The following SMC1A variants were observed in gnomAD, a reference collection of about 807,000 sequenced individuals.
The protein encoded by SMC1A is structural maintenance of chromosomes 1A.
In SMC1A, 4 loss-of-function variants were observed where a neutral mutation model predicts 94.5. That is an observed-to-expected ratio of 0.04 (90% CI 0.02 to 0.10). The LOEUF is 0.10. SMC1A is among the 10% of genes least tolerant of loss of function. The pLI, the probability that SMC1A is intolerant of heterozygous loss-of-function variation, is 1.00. For synonymous variants in SMC1A, 345 were observed against 347.7 expected (o/e 0.99, Z 0.09); for missense variants, 304 against 989.0 (o/e 0.31, Z 9.29).
intron 1 of SMC1A, chrX:53,422,151 G>A (rs2075760996): frequency 2.3e-6 from 2 of 886,394 alleles, no homozygotes; most frequent in African/African-American, 4.0e-5. Context: ...CGGCCGGTCC[G>A]GCGGGGAGCC....
In SMC1A at chrX:53,413,157, G is replaced by A. The variant is rs1556890792; in HGVS notation, c.616-19C>T. The stretch of plus-strand genomic sequence containing the variant: ...GGTCAGCCTGTGCAAACAGGGGAAT[G>A]GTGGCAGGGGTGCATCGATAAGGCA... On this transcript the variant is annotated intron_variant, in intron 4 of 24. Coordinates refer to ENST00000322213, the MANE Select transcript of SMC1A (RefSeq NM_006306.4). 3 of 1,209,945 alleles carry A rather than the reference G, an allele frequency of 2.5e-6. No homozygotes were observed. The highest frequency in any genetic ancestry group is 3.4e-6 in the Non-Finnish European group (3 of 895,344).
intron 19 of SMC1A, among the ~76,000 whole-genome samples, chrX:53,387,020 G>A (rs782754414): frequency 7.4e-4 from 83 of 111,861 alleles, no homozygotes; most frequent in Non-Finnish European, 1.3e-3. Context: ...TTTTGAGACG[G>A]AGTCTTGTTC....
rs151144282 is a variant in SMC1A, at chrX:53,402,868, C to CAAAAAAAAAAAAAAAAAA, written c.2420+697_2420+698insTTTTTTTTTTTTTTTTTT. On this transcript the variant is annotated intron_variant, in intron 15 of 24. Transcript: ENST00000322213. ...TGGGCGACAGAGCAAGACTCTGTCT[C>CAAAAAAAAAAAAAAAAAA]AAAAAAAAAAAAAAAAAGGGCCGGC... Among the ~76,000 whole-genome samples, 11 of 10,082 alleles carry CAAAAAAAAAAAAAAAAAA rather than the reference C, an allele frequency of 1.1e-3. 5 individuals carry two copies. The highest frequency in any genetic ancestry group is 4.5e-3 in the African/African-American group (6 of 1,340). The allele number at this position is 10,082 out of a possible 115,157, so 8.8% of individuals were successfully genotyped here. A position where few individuals can be genotyped will look rare whatever the true frequency, so the allele number is the denominator to read the frequency against.
At chrX:53,401,741 TAC>T (rs1279283342) in intron 15 of SMC1A, among the ~76,000 whole-genome samples, 1 of 110,449 alleles carries the variant, frequency 9.1e-6, no homozygotes, top group Non-Finnish European at 1.9e-5. Context: ...ATTATATATA[TAC>T]ACATATATTT....
intron 19 of SMC1A, 21 bp downstream of exon 19, chrX:53,394,757 A>ACCCCCCCCCC: frequency 3.5e-6 from 1 of 284,081 alleles, no homozygotes; most frequent in Non-Finnish European, 6.0e-6. Flanking sequence ...CCCCCACCAC[A>ACCCCCCCCCC]CCCCTGTGGT....
chrX:53,415,113 G>A lies in SMC1A; in HGVS notation c.166C>T (p.Leu56=). Residue 56 remains leucine (L), a synonymous_variant, in exon 2 of 25, where the codon CTG becomes TTG. Coordinates refer to ENST00000322213, the MANE Select transcript of SMC1A (RefSeq NM_006306.4). ...AGGTCCCGCAGGGTCTTTACCCGCAGGTTGCTGGTTTTTTCACCTAGCACA... is the reference window on the plus strand; with the variant it reads ...AGGTCCCGCAGGGTCTTTACCCGCAAGTTGCTGGTTTTTTCACCTAGCACA... ...SFVLGEKTSN[L]RVKTLRDLIH... 2 of 1,211,426 alleles carry A rather than the reference G, an allele frequency of 1.7e-6. No homozygotes were observed. The highest frequency in any genetic ancestry group is 2.2e-6 in the Non-Finnish European group (2 of 895,192).
chrX:53,409,033 C>T, intron 9 of SMC1A, 29 bp downstream of exon 9: 1 of 1,183,379 alleles, frequency 8.5e-7, no homozygotes. Flanking sequence ...TGTAAGTGCT[C>T]AGGAAATGAG....
At chrX:53,387,002 T>C (rs1291098642) in intron 19 of SMC1A, among the ~76,000 whole-genome samples, 1 of 111,998 alleles carries the variant, frequency 8.9e-6, no homozygotes, top group Non-Finnish European at 1.9e-5. Context: ...ACTAATAATA[T>C]ATATATTTTT....
In SMC1A at chrX:53,377,742, T is replaced by C; in HGVS notation, c.*2361A>G. The C allele has an allele frequency of 9.0e-6, 1 of 111,233 alleles. No individual in the cohort carries two copies. The highest frequency in any genetic ancestry group is 1.9e-5 in the Non-Finnish European group (1 of 53,071). The allele number at this position is 111,233 out of a possible 1,213,427, so 9.2% of individuals were successfully genotyped here. A position where few individuals can be genotyped will look rare whatever the true frequency, so the allele number is the denominator to read the frequency against. On this transcript the variant is annotated 3_prime_UTR_variant, in exon 25 of 25. Coordinates refer to ENST00000322213, the MANE Select transcript of SMC1A (RefSeq NM_006306.4). The stretch of plus-strand genomic sequence containing the variant: ...GATGCCAGCCAAATTGCTTCATATA[T>C]ATTTAATTTTCTCTTTGCTTCACTA...
chrX:53,398,183 CA>C lies in SMC1A; in HGVS notation c.2562+1405del, dbSNP rs10543081. ...AGGAAACAAGATCAAAACTGAGTCTCAAAAAAAAAAAAAAAAAAGATTTCAG... is the reference window on the plus strand; with the variant it reads ...AGGAAACAAGATCAAAACTGAGTCTCAAAAAAAAAAAAAAAAAGATTTCAG... On this transcript the variant is annotated intron_variant, in intron 16 of 24. Transcript: ENST00000322213. Among the ~76,000 whole-genome samples the C allele has an allele frequency of 5.9e-3, 346 of 58,404 alleles. 1 individual carries two copies. The highest frequency in any genetic ancestry group is 0.025 in the African/African-American group (285 of 11,632). 50.7% of individuals were successfully genotyped at this position (58,404 alleles called of 115,157 possible).
chrX:53,382,738 T>C, intron 20 of SMC1A, 78 bp from the exon 21 acceptor site: 1 of 1,121,815 alleles, frequency 8.9e-7, no homozygotes, highest in Non-Finnish European at 1.2e-6. Context: ...AGCAGGAACA[T>C]CCCACTGAGA....
At chrX:53,387,939 G>GGA (rs2075611713) in intron 19 of SMC1A, among the ~76,000 whole-genome samples, 1 of 109,348 alleles carries the variant, frequency 9.1e-6, no homozygotes, top group South Asian at 4.0e-4. Flanking sequence ...ATAAAGGGGG[G>GGA]AAAAAATCAA....
intron 9 of SMC1A, 47 bp from the exon 10 acceptor site, chrX:53,406,003 C>A: frequency 8.9e-7 from 1 of 1,126,580 alleles, no homozygotes; most frequent in Non-Finnish European, 1.2e-6. Flanking sequence ...CTTTTGGAAG[C>A]TGGCTCAGGA....
At chrX:53,394,731 T>TGCCCCCCCCCCC in intron 19 of SMC1A, 47 bp downstream of exon 19, 1 of 416,230 alleles carries the variant, frequency 2.4e-6, no homozygotes, top group Non-Finnish European at 4.4e-6. Flanking sequence ...ATAGTCCCAC[T>TGCCCCCCCCCCC]CCCACCCAAC....
chrX:53,391,172 G>A (rs2075628106), intron 19 of SMC1A, among the ~76,000 whole-genome samples: 1 of 108,650 alleles, frequency 9.2e-6, no homozygotes, highest in African/African-American at 3.3e-5. Context: ...AAAATTATCT[G>A]GGCATGGTGG....
chrX:53,389,411 C>T (rs1481539378), intron 19 of SMC1A, among the ~76,000 whole-genome samples: 1 of 111,224 alleles, frequency 9.0e-6, no homozygotes, highest in East Asian at 2.8e-4. Flanking sequence ...TTGCGTGTGA[C>T]CATCATGGAT....
At chrX:53,380,752 AC>A in intron 23 of SMC1A, 22 bp from the exon 24 acceptor site, 1 of 1,078,539 alleles carries the variant, frequency 9.3e-7, no homozygotes, top group Non-Finnish European at 1.3e-6. Flanking sequence ...GCCGCCAGGC[AC>A]TTAGCAAGGC....
intron 1 of SMC1A, among the ~76,000 whole-genome samples, chrX:53,418,968 G>A (rs782267691): frequency 2.9e-5 from 3 of 104,938 alleles, no homozygotes; most frequent in Non-Finnish European, 5.8e-5. Context: ...TTAAACCCAG[G>A]AGGTGGAGGT....
intron 1 of SMC1A, among the ~76,000 whole-genome samples, chrX:53,420,807 T>C (rs2075751627): frequency 8.9e-6 from 1 of 111,988 alleles, no homozygotes; most frequent in African/African-American, 3.2e-5. Context: ...ATTTTTGTAA[T>C]ATATATTATG....
Sources: allele counts gnomAD v4.1 joint callset (sites outside exome capture counted in the v4.1 genomes callset), GRCh38; gene constraint gnomAD v4.1.1; transcripts MANE v1.5; gene names NCBI Gene and HGNC (gene_info 2026-07-23, HGNC 2026-07-21).